MYH13: variants seen among roughly 807,000 people sequenced by gnomAD.
MYH13 encodes the protein myosin heavy chain 13.
A neutral mutation model predicts 232.1 loss-of-function variants in MYH13; 177 were observed. The observed-to-expected ratio is 0.76, with a 90% CI of 0.67 to 0.86. MYH13 has a LOEUF of 0.86. Among genes scored for constraint, MYH13 ranks in the 40% least tolerant of loss-of-function variants. The probability of loss-of-function intolerance (pLI) is 0.00; values close to 1 mark genes in which losing one functional copy is unlikely to be tolerated. For missense variants in MYH13, 2,246 were observed against 2,405.9 expected, an observed-to-expected ratio of 0.93 and a Z score of 1.39; for synonymous variants, 884 against 923.5, an observed-to-expected ratio of 0.96 and a Z score of 0.78.
At position 10,362,435 on chromosome 17, in the gene MYH13, C is replaced by T. The variant is rs760684375; in HGVS notation, c.273G>A (p.Met91Ile). The part of the protein sequence containing the change: ...NPPKFDKIED[M>I]AMMTHLHEPA... ...GTTCATGCAGGTGAGTCATCATGGC[C>T]ATGTCCTCGATCTTGTCAAATTTGG... The change falls in exon 4 of 41, where the codon ATG becomes ATA. Residue 91 changes from methionine (M) to isoleucine (I), a missense_variant. Met to Ile is a conservative substitution (Grantham distance 10). Coordinates refer to ENST00000252172, the MANE Select transcript of MYH13 (RefSeq NM_003802.3). The T allele has an allele frequency of 1.2e-6, 2 of 1,614,164 alleles. No individual in the cohort carries two copies. Among genetic ancestry groups the T allele is most frequent in the Non-Finnish European group, 1.7e-6 (2 of 1,180,022 alleles).
chr17:10,334,996 A>G (rs2071562488), intron 18 of MYH13, among the ~76,000 whole-genome samples: 1 of 152,184 alleles, frequency 6.6e-6, no homozygotes, highest in South Asian at 2.1e-4. Flanking sequence ...GATGATTCTG[A>G]GTGGTTAAGA....
rs1489618660 is a variant in MYH13, at chr17:10,359,981, C to T, written c.624G>A (p.Glu208=). The change falls in exon 7 of 41, where the codon GAG becomes GAA. Residue 208 remains glutamate, a synonymous_variant. Coordinates refer to ENST00000252172, the MANE Select transcript of MYH13 (RefSeq NM_003802.3). ...TCACCTGCATTTTGCCTGGCTGTGT[C>T]TCCTTCTTCTTGTCCCCGGTAACTG... ...TIAVTGDKKK[E]TQPGKMQGTL... is the part of the protein sequence containing the mutation. 2 of 1,613,760 alleles carry T rather than the reference C, an allele frequency of 1.2e-6. No homozygotes were observed. The highest frequency in any genetic ancestry group is 2.7e-5 in the African/African-American group (2 of 74,904).
intron 7 of MYH13, among the ~76,000 whole-genome samples, chr17:10,359,720 T>A (rs1427969238): frequency 6.6e-6 from 1 of 152,108 alleles, no homozygotes; most frequent in Admixed American, 6.5e-5. Context: ...AGTATCAGAA[T>A]TGAATTGAAT....
intron 21 of MYH13, among the ~76,000 whole-genome samples, chr17:10,328,677 C>G (rs906395046): frequency 5.2e-4 from 65 of 123,968 alleles, no homozygotes; most frequent in South Asian, 2.6e-3. Flanking sequence ...CTTTTCTATT[C>G]GTTTTTTTTT....
chr17:10,319,827 G>A (rs954652850), intron 26 of MYH13, among the ~76,000 whole-genome samples: 27 of 152,170 alleles, frequency 1.8e-4, no homozygotes, highest in African/African-American at 6.0e-4. Flanking sequence ...TAGCAAAAGA[G>A]GCAGAAAGAT....
rs371547466 is a variant in MYH13 at position 10,324,405 on chromosome 17, C to T, written c.2692-141G>A. 7.9e-5 allele frequency: 73 copies of T among 924,382 alleles called. No homozygotes were observed. The South Asian group carries it at 1.1e-3, about 14-fold the overall frequency. The allele number at this position is 924,382 out of a possible 1,614,324, so 57.3% of individuals were successfully genotyped here. A position where few individuals can be genotyped will look rare whatever the true frequency, so the allele number is the denominator to read the frequency against. ...ACACACATGCACGCACATGTGCACA[C>T]ACTGCACACACACGTGTACATAAAC... On this transcript the variant is annotated intron_variant, in intron 22 of 40. Transcript: ENST00000252172.
chr17:10,324,685 G>T (rs1907134490), intron 22 of MYH13, among the ~76,000 whole-genome samples: 1 of 148,700 alleles, frequency 6.7e-6, no homozygotes, highest in Non-Finnish European at 1.5e-5. Flanking sequence ...GACCTCAGGT[G>T]ATCCTTCCGC....
At chr17:10,303,556 G>T in intron 37 of MYH13, 58 bp from the exon 38 acceptor site, 1 of 1,441,364 alleles carries the variant, frequency 6.9e-7, no homozygotes, top group Non-Finnish European at 9.8e-7. Context: ...TTCTCTCATG[G>T]ACTCATGGGC....
At chr17:10,347,848 G>A (rs569543749) in intron 12 of MYH13, among the ~76,000 whole-genome samples, 1 of 151,312 alleles carries the variant, frequency 6.6e-6, no homozygotes, top group East Asian at 2.0e-4. Flanking sequence ...CTCCCGAGTA[G>A]CTGGGATTAC....
chr17:10,306,376 C>G lies in MYH13; in HGVS notation c.5466+83G>C, dbSNP rs150639574. 6.9e-5 allele frequency: 109 copies of G among 1,578,752 alleles called. No individual in the cohort carries two copies. Among genetic ancestry groups the G allele is most frequent in the East Asian group, 2.0e-4 (9 of 44,562 alleles). On this transcript the variant is annotated intron_variant, in intron 37 of 40. Transcript: ENST00000252172. This position sits in a 1 kb window ranked among gnomAD's most constrained non-coding sequence, Gnocchi z 4.3. ...ATTTGCAATCTATTCATTCAGTGGC[C>G]TTTTCCCACCATCTCAGTTTCTGGA...
chr17:10,372,118 C>T (rs1045654179), intron 1 of MYH13, among the ~76,000 whole-genome samples: 48 of 152,230 alleles, frequency 3.2e-4, no homozygotes, highest in African/African-American at 1.1e-3. Context: ...TTTAATGCAT[C>T]TTAAATAATC....
chr17:10,318,799 G>C lies in MYH13; in HGVS notation c.3729C>G (p.Ser1243=). 1 of 1,614,006 alleles carries C rather than the reference G, an allele frequency of 6.2e-7. No homozygotes were observed. The highest frequency in any genetic ancestry group is 8.5e-7 in the Non-Finnish European group (1 of 1,179,940). ...DDMASNIEAL[S]KSKSNIERTC... ...AGGGCCAGTCAGGTACCTTTGACTT[G>C]GAGAGAGCCTCGATGTTGCTGGCCA... Residue 1243 remains serine (S), a synonymous_variant, in exon 27 of 41, where the codon TCC becomes TCG. Coordinates refer to ENST00000252172, the MANE Select transcript of MYH13 (RefSeq NM_003802.3).
Position 10,333,151 on chromosome 17 carries a change from A to G in MYH13, c.2097T>C (p.Cys699=). 2 of 1,551,746 alleles carry G rather than the reference A, an allele frequency of 1.3e-6. No homozygotes were observed. The highest frequency in any genetic ancestry group is 1.7e-6 in the Non-Finnish European group (2 of 1,147,010). ...TCCGGATGCCCTCGAGGACCCCGTT[A>G]CAGCGCAGCTGGTGCATGACCAAGT... ...DHYLVMHQLR[C]NGVLEGIRIC... is the part of the protein sequence containing the mutation. The change falls in exon 19 of 41, where the codon TGT becomes TGC. Residue 699 remains cysteine, a synonymous_variant. Coordinates refer to ENST00000252172, the MANE Select transcript of MYH13 (RefSeq NM_003802.3).
chr17:10,342,180 G>A (rs1402161840), intron 16 of MYH13, among the ~76,000 whole-genome samples: 1 of 152,078 alleles, frequency 6.6e-6, no homozygotes, highest in Non-Finnish European at 1.5e-5. Context: ...CAAGTAGCTG[G>A]ACTACAGGTG....
At chr17:10,322,758 T>G (rs560088982) in intron 23 of MYH13, among the ~76,000 whole-genome samples, 3 of 149,876 alleles carry the variant, frequency 2.0e-5, no homozygotes, top group Non-Finnish European at 4.4e-5. Flanking sequence ...CTCAGCCTCC[T>G]GAGTAGCTGG....
chr17:10,310,311 G>A (rs1167931857), intron 33 of MYH13, among the ~76,000 whole-genome samples: 1 of 152,002 alleles, frequency 6.6e-6, no homozygotes, highest in Non-Finnish European at 1.5e-5. Context: ...GGCTGGTCTC[G>A]AACTCCTGAC....
intron 18 of MYH13, among the ~76,000 whole-genome samples, chr17:10,334,107 A>G (rs941936212): frequency 6.6e-6 from 1 of 152,206 alleles, no homozygotes; most frequent in African/African-American, 2.4e-5. Context: ...TGGGTCAGGC[A>G]CAAATCAAAC....
Position 10,324,197 on chromosome 17 carries a change from T to G in MYH13, c.2759A>C (p.Glu920Ala). The G allele has an allele frequency of 1.2e-6, 2 of 1,613,958 alleles. No individual in the cohort carries two copies. Among genetic ancestry groups the G allele is most frequent in the Non-Finnish European group, 1.7e-6 (2 of 1,179,894 alleles). Reference sequence around the variant, plus strand: ...CTCCGTCAGCTCCTTGACTTTTGCTTCCAGTAGGATCTTGCTTTTGATGAG... The same window carrying G: ...CTCCGTCAGCTCCTTGACTTTTGCTGCCAGTAGGATCTTGCTTTTGATGAG... ...EGLIKSKILLEAKVKELTERL... is the reference protein window; with the variant it reads ...EGLIKSKILLAAKVKELTERL... Residue 920 changes from glutamate (E) to alanine (A), a missense_variant, in exon 23 of 41, where the codon GAA becomes GCA. Physicochemically the swap from Glu to Ala is moderately radical, Grantham distance 107. Coordinates refer to ENST00000252172, the MANE Select transcript of MYH13 (RefSeq NM_003802.3).
Position 10,357,825 on chromosome 17 carries a change from T to G in MYH13, c.648A>C (p.Gly216=). The G allele has an allele frequency of 6.2e-7, 1 of 1,612,364 alleles. No homozygotes were observed. Among genetic ancestry groups the G allele is most frequent in the Non-Finnish European group, 8.5e-7 (1 of 1,179,044 alleles). ...CCTGGATGATCTGATCCTCTAGGGT[T>G]CCCTAATAATAAACAAGAAGAGGAA... ...KKETQPGKMQ[G]TLEDQIIQAN... is the part of the protein sequence containing the mutation. The change falls in exon 8 of 41, where the codon GGA becomes GGC. Residue 216 remains glycine, a splice_region_variant and synonymous_variant. Coordinates refer to ENST00000252172, the MANE Select transcript of MYH13 (RefSeq NM_003802.3).
Sources: allele counts gnomAD v4.1 joint callset (sites outside exome capture counted in the v4.1 genomes callset), GRCh38; gene constraint gnomAD v4.1.1; non-coding constraint Gnocchi (gnomAD v3.1); transcripts MANE v1.5; gene names NCBI Gene and HGNC (gene_info 2026-07-23, HGNC 2026-07-21).